NRXN1: variants seen among roughly 807,000 people sequenced by gnomAD.
The protein encoded by NRXN1 is neurexin 1, also known as neurexin-1.
NRXN1 carries 39 observed loss-of-function variants against 150.9 expected under a neutral mutation model. The ratio of observed to expected loss-of-function variants is 0.26; its 90% CI spans 0.20 to 0.34. The LOEUF (loss-of-function observed/expected upper bound fraction) is 0.34. Among genes scored for constraint, NRXN1 ranks in the 10% least tolerant of loss-of-function variants. NRXN1 has a pLI of 1.00. For synonymous variants in NRXN1, 924 were observed against 757.0 expected (o/e 1.22, Z -3.62); for missense variants, 1,815 against 1,949.9 (o/e 0.93, Z 1.30).
chr2:50,449,162 G>C (rs529412467), intron 17 of NRXN1, among the ~76,000 whole-genome samples: 4 of 152,156 alleles, frequency 2.6e-5, no homozygotes, highest in African/African-American at 9.6e-5. Context: ...ATAGACGCAG[G>C]AATGCAGGAA....
chr2:50,203,516 G>A (rs1430740110), intron 18 of NRXN1, among the ~76,000 whole-genome samples: 1 of 152,098 alleles, frequency 6.6e-6, no homozygotes, highest in Non-Finnish European at 1.5e-5. Context: ...TGGACAACAG[G>A]TTAATGCTTG....
intron 5 of NRXN1, among the ~76,000 whole-genome samples, chr2:50,793,449 C>G (rs771089921): frequency 2.0e-5 from 3 of 151,980 alleles, no homozygotes; most frequent in Non-Finnish European, 4.4e-5. Context: ...TTTGGTGTAA[C>G]GTTCCGCTTA....
At chr2:50,256,103 A>C (rs544973653) in intron 17 of NRXN1, among the ~76,000 whole-genome samples, 1 of 152,320 alleles carries the variant, frequency 6.6e-6, no homozygotes, top group African/African-American at 2.4e-5. Flanking sequence ...TGTGAATATT[A>C]ACATATTCTA....
At chr2:50,860,646 A>G (rs1412192444) in intron 5 of NRXN1, among the ~76,000 whole-genome samples, 3 of 152,022 alleles carry the variant, frequency 2.0e-5, no homozygotes, top group Non-Finnish European at 4.4e-5. Context: ...TAGTCCTAGA[A>G]AGCCACACAG....
chr2:50,081,175 A>G (rs1309197250), intron 19 of NRXN1, among the ~76,000 whole-genome samples: 1 of 152,146 alleles, frequency 6.6e-6, no homozygotes, highest in Non-Finnish European at 1.5e-5. Context: ...TAAGCTTTAT[A>G]CTCTACATAG....
chr2:50,035,346 A>G (rs1193934296), intron 21 of NRXN1, among the ~76,000 whole-genome samples: 3 of 152,062 alleles, frequency 2.0e-5, no homozygotes, highest in African/African-American at 7.2e-5. Context: ...TCATTTCTCT[A>G]CCCACTTACT....
intron 19 of NRXN1, among the ~76,000 whole-genome samples, chr2:50,081,082 A>T (rs1429867229): frequency 6.6e-6 from 1 of 152,204 alleles, no homozygotes; most frequent in East Asian, 1.9e-4. Flanking sequence ...GTTCTACTTT[A>T]TTGGATTCCT....
chr2:50,343,445 T>C (rs1290307155), intron 17 of NRXN1, among the ~76,000 whole-genome samples: 3 of 150,948 alleles, frequency 2.0e-5, no homozygotes, highest in African/African-American at 7.5e-5. Context: ...AGTCACACAG[T>C]TCTCCCTCTA....
At chr2:51,017,645 T>C (rs867268188) in intron 2 of NRXN1, among the ~76,000 whole-genome samples, 1 of 151,114 alleles carries the variant, frequency 6.6e-6, no homozygotes, top group African/African-American at 2.4e-5. Context: ...TCCTAGAAAG[T>C]TGGCAGAACT....
chr2:50,869,335 C>T (rs1196475766), intron 5 of NRXN1, among the ~76,000 whole-genome samples: 5 of 151,446 alleles, frequency 3.3e-5, no homozygotes, highest in African/African-American at 9.7e-5. Flanking sequence ...AATACCTTCA[C>T]GATGACAGAA....
At chr2:50,894,771 T>C (rs1305329152) in intron 5 of NRXN1, among the ~76,000 whole-genome samples, 2 of 152,188 alleles carry the variant, frequency 1.3e-5, no homozygotes. Context: ...TGGCAGAGGA[T>C]ATCATTTGAG....
At chr2:50,879,339 T>C (rs1415797493) in intron 5 of NRXN1, among the ~76,000 whole-genome samples, 1 of 151,936 alleles carries the variant, frequency 6.6e-6, no homozygotes, top group Admixed American at 6.6e-5. Context: ...AAGCAATCTA[T>C]AAATACTCAT....
chr2:50,086,673 T>G (rs1563024), intron 19 of NRXN1, among the ~76,000 whole-genome samples: 52,772 of 151,996 alleles, frequency 0.35, 10,831 homozygotes, highest in African/African-American at 0.56. Context: ...TTGGCAAACA[T>G]GAATAATAAT....
At chr2:50,877,192 C>T (rs760375550) in intron 5 of NRXN1, among the ~76,000 whole-genome samples, 94 of 151,800 alleles carry the variant, frequency 6.2e-4, no homozygotes, top group Non-Finnish European at 5.6e-4. Context: ...TAGACACACA[C>T]ATATACACAC....
At chr2:50,080,207 C>G (rs1697738776) in intron 19 of NRXN1, among the ~76,000 whole-genome samples, 1 of 151,954 alleles carries the variant, frequency 6.6e-6, no homozygotes. Context: ...AATTTTGGGA[C>G]AAGGAGAGAG....
chr2:50,524,514 A>G (rs1233570492), intron 12 of NRXN1, among the ~76,000 whole-genome samples: 2 of 143,002 alleles, frequency 1.4e-5, no homozygotes, highest in African/African-American at 2.5e-5. Flanking sequence ...TAAATAAATA[A>G]ATAAATAAAA....
In NRXN1 at chr2:50,169,948, T is replaced by C. The variant is rs139344163; in HGVS notation, c.3546+66841A>G. Among the ~76,000 whole-genome samples, 3 of 152,158 alleles carry C rather than the reference T, an allele frequency of 2.0e-5. 1 individual carries two copies. Among genetic ancestry groups the C allele is most frequent in the African/African-American group, 4.8e-5 (2 of 41,540 alleles). On this transcript the variant is annotated intron_variant, in intron 18 of 22. Transcript: ENST00000401669. ...TAGGAGAAGATCATGGCAGTCTTAGTATCACACCAAGAACTTTGACTTTGT... is the reference window on the plus strand; with the variant it reads ...TAGGAGAAGATCATGGCAGTCTTAGCATCACACCAAGAACTTTGACTTTGT...
intron 13 of NRXN1, among the ~76,000 whole-genome samples, chr2:50,505,580 C>A (rs1411546315): frequency 6.6e-6 from 1 of 152,050 alleles, no homozygotes. Flanking sequence ...TGTCCTAGAC[C>A]AAAACTAATT....
intron 5 of NRXN1, among the ~76,000 whole-genome samples, chr2:50,829,289 GA>G (rs1671046493): frequency 6.8e-6 from 1 of 147,950 alleles, no homozygotes; most frequent in African/African-American, 2.5e-5. Context: ...GGGAGAGGGA[GA>G]GGGGTAATTT....
Sources: gnomAD v4.1 joint callset for allele counts (sites outside exome capture counted in the v4.1 genomes callset) on GRCh38, gnomAD v4.1.1 for gene constraint, MANE v1.5 for transcripts, NCBI Gene and HGNC (gene_info 2026-07-23, HGNC 2026-07-21) for gene names.